The following PCYT2 variants were observed in gnomAD, a reference collection of about 807,000 sequenced individuals.
PCYT2 encodes the protein phosphate cytidylyltransferase 2, ethanolamine.
Under a neutral mutation model 50.0 loss-of-function variants are expected in PCYT2, and 33 were observed. That is an observed-to-expected ratio of 0.66 (90% CI 0.50 to 0.88). The LOEUF is 0.88. PCYT2 is among the 40% of genes least tolerant of loss of function. The pLI is 0.00. For missense variants in PCYT2, 430 were observed against 519.7 expected, an observed-to-expected ratio of 0.83 and a Z score of 1.68; for synonymous variants, 240 against 203.7, an observed-to-expected ratio of 1.18 and a Z score of -1.52.
chr17:81,906,115 G>A lies in PCYT2; in HGVS notation c.822C>T (p.Ser274=), dbSNP rs2040250510. The stretch of plus-strand genomic sequence containing the variant: ...CCCCACTCACCCGGCAGGCCAGCAC[G>A]CTCAGAGTCCGTTCATGCAGATTCA... ...PIMNLHERTL[S]VLACRYVSEV... is the part of the protein sequence containing the mutation. Residue 274 remains serine (S), a synonymous_variant, in exon 9 of 13, where the codon AGC becomes AGT. Coordinates refer to ENST00000538936, the MANE Select transcript of PCYT2 (RefSeq NM_002861.5). The A allele has an allele frequency of 1.2e-5, 19 of 1,612,178 alleles. No individual in the cohort carries two copies. The East Asian group carries it at 2.7e-4, about 23-fold the overall frequency.
At chr17:81,905,951 G>A (rs538766001) in intron 9 of PCYT2, 149 bp downstream of exon 9, 4 of 753,030 alleles carry the variant, frequency 5.3e-6, no homozygotes, top group South Asian at 3.3e-5. Context: ...CAACAAACAG[G>A]TATGGGCAGG....
chr17:81,911,056 C>T, intron 1 of PCYT2: 1 of 999,446 alleles, frequency 1.0e-6, no homozygotes, highest in Non-Finnish European at 1.2e-6. Flanking sequence ...GGGCCTCCGC[C>T]AGAGGTAGAC....
chr17:81,902,334 G>A lies in PCYT2; in HGVS notation c.*2499C>T. ...CCCTGGCGCTGTGCCTGCTGCTGGC[G>A]CCGCCTGGCCTCGCGTGGTACAAGC... On this transcript the variant is annotated 3_prime_UTR_variant, in exon 13 of 13. Coordinates refer to ENST00000538936, the MANE Select transcript of PCYT2 (RefSeq NM_002861.5). 1 of 1,338,994 alleles carries A rather than the reference G, an allele frequency of 7.5e-7. No homozygotes were observed. 82.9% of individuals were successfully genotyped at this position (1,338,994 alleles called of 1,614,324 possible).
At chr17:81,906,047 G>C in intron 9 of PCYT2, 53 bp downstream of exon 9, 1 of 1,492,106 alleles carries the variant, frequency 6.7e-7, no homozygotes. Flanking sequence ...TAGTAGGGGG[G>C]ATGTTGTGGG....
At chr17:81,908,691 G>T in intron 3 of PCYT2, 57 bp from the exon 4 acceptor site, 1 of 1,498,896 alleles carries the variant, frequency 6.7e-7, no homozygotes. Flanking sequence ...AGAACCTTCA[G>T]AGCCCAGGAC....
rs1250682356 is a variant in PCYT2 at position 81,902,846 on chromosome 17, C to T, written c.*1987G>A. On this transcript the variant is annotated 3_prime_UTR_variant, in exon 13 of 13. Coordinates refer to ENST00000538936, the MANE Select transcript of PCYT2 (RefSeq NM_002861.5). ...GGCGCGGGATGGCGCCCCAGGTCTC[C>T]CCTACTCCGCTCACCCCGCAGTTAA... is the stretch of plus-strand genomic sequence containing the variant. 5.6e-6 allele frequency: 6 copies of T among 1,069,142 alleles called. No homozygotes were observed. The highest frequency in any genetic ancestry group is 2.8e-5 in the Admixed American group (1 of 36,152). The allele number at this position is 1,069,142 out of a possible 1,614,324, so 66.2% of individuals were successfully genotyped here.
At chr17:81,907,509 C>A (rs984210731) in intron 6 of PCYT2, 45 bp downstream of exon 6, 3 of 1,575,124 alleles carry the variant, frequency 1.9e-6, no homozygotes, top group Admixed American at 1.8e-5. Flanking sequence ...CCGGGGGAGC[C>A]CCCTGCAGCT....
chr17:81,902,855 G>T lies in PCYT2; in HGVS notation c.*1978C>A. 1.0e-6 allele frequency: 1 copy of T among 967,094 alleles called. No individual in the cohort carries two copies. 59.9% of individuals were successfully genotyped at this position (967,094 alleles called of 1,614,324 possible). ...TGGCGCCCCAGGTCTCCCCTACTCCGCTCACCCCGCAGTTAATGGCAAACG... is the reference window on the plus strand; with the variant it reads ...TGGCGCCCCAGGTCTCCCCTACTCCTCTCACCCCGCAGTTAATGGCAAACG... On this transcript the variant is annotated 3_prime_UTR_variant, in exon 13 of 13. Transcript: ENST00000538936.
chr17:81,903,641 C>T lies in PCYT2; in HGVS notation c.*1192G>A, dbSNP rs1018298611. 1.3e-5 allele frequency: 2 copies of T among 152,350 alleles called. No homozygotes were observed. The highest frequency in any genetic ancestry group is 2.9e-5 in the Non-Finnish European group (2 of 68,140). The allele number at this position is 152,350 out of a possible 1,614,324, so 9.4% of individuals were successfully genotyped here. A position where few individuals can be genotyped will look rare whatever the true frequency, so the allele number is the denominator to read the frequency against. ...GGCAGGATGAGGATGGCCTGTGCCCCCCACACCTTGGCCCCTGGCTCGGAG... is the reference window on the plus strand; with the variant it reads ...GGCAGGATGAGGATGGCCTGTGCCCTCCACACCTTGGCCCCTGGCTCGGAG... On this transcript the variant is annotated 3_prime_UTR_variant, in exon 13 of 13. Transcript: ENST00000538936.
intron 3 of PCYT2, 69 bp from the exon 4 acceptor site, chr17:81,908,703 C>T (rs2040415410): frequency 2.1e-6 from 3 of 1,431,920 alleles, no homozygotes; most frequent in Non-Finnish European, 9.8e-7. Context: ...GCCCAGGACC[C>T]TCTCGGCCCC....
At chr17:81,905,919 C>T (rs930396639) in intron 9 of PCYT2, 181 bp downstream of exon 9, 19 of 748,908 alleles carry the variant, frequency 2.5e-5, no homozygotes, top group Non-Finnish European at 4.1e-5. Flanking sequence ...ATCTGGAGAC[C>T]TGACCACCCC....
At position 81,903,213 on chromosome 17, in the gene PCYT2, G is replaced by A; in HGVS notation, c.*1620C>T. ...GTGAGGGCATGGGCTGGAGCCCCTG[G>A]CTGCCTTCCTCTTGCCCCCATCCCT... is the stretch of plus-strand genomic sequence containing the variant. On this transcript the variant is annotated 3_prime_UTR_variant, in exon 13 of 13. Coordinates refer to ENST00000538936, the MANE Select transcript of PCYT2 (RefSeq NM_002861.5). 6.0e-6 allele frequency: 1 copy of A among 166,950 alleles called. No individual in the cohort carries two copies. The highest frequency in any genetic ancestry group is 1.3e-5 in the Non-Finnish European group (1 of 78,404). 10.3% of individuals were successfully genotyped at this position (166,950 alleles called of 1,614,324 possible). A position where few individuals can be genotyped will look rare whatever the true frequency, so the allele number is the denominator to read the frequency against.
intron 11 of PCYT2, 42 bp from the exon 12 acceptor site, chr17:81,905,196 G>A (rs1410572930): frequency 2.7e-5 from 41 of 1,534,776 alleles, no homozygotes; most frequent in Non-Finnish European, 3.5e-5. Flanking sequence ...GGTCCCTGCT[G>A]ACCTCCCCAA....
chr17:81,905,656 A>T lies in PCYT2; in HGVS notation c.903+14T>A. The T allele has an allele frequency of 6.2e-7, 1 of 1,610,138 alleles. No homozygotes were observed. Among genetic ancestry groups the T allele is most frequent in the South Asian group, 1.1e-5 (1 of 91,016 alleles). Reference sequence around the variant, plus strand: ...TGAACAGAGGGAACGAGGTGAGCCCATGCGGAGCCTCACCTTGAAGTGACT... The same window carrying T: ...TGAACAGAGGGAACGAGGTGAGCCCTTGCGGAGCCTCACCTTGAAGTGACT... On this transcript the variant is annotated intron_variant, in intron 10 of 12. Transcript: ENST00000538936.
At position 81,903,790 on chromosome 17, in the gene PCYT2, T is replaced by TGGGCC. The variant is rs1282290811; in HGVS notation, c.*1038_*1042dup. ...GAGGACAGGCCCATGGGGTGCCACA[T>TGGGCC]GGGCCAGGTGCTGTAGGGCAGAGGC... On this transcript the variant is annotated 3_prime_UTR_variant, in exon 13 of 13. Transcript: ENST00000538936. The TGGGCC allele has an allele frequency of 2.0e-5, 3 of 151,048 alleles. No individual in the cohort carries two copies. 9.4% of individuals were successfully genotyped at this position (151,048 alleles called of 1,614,324 possible).
At position 81,906,900 on chromosome 17, in the gene PCYT2, T is replaced by A. The variant is rs1226113662; in HGVS notation, c.538-2A>T. 1.9e-6 allele frequency: 3 copies of A among 1,612,222 alleles called. No homozygotes were observed. Among genetic ancestry groups the A allele is most frequent in the Non-Finnish European group, 2.5e-6 (3 of 1,179,544 alleles). ...CCAGGGGTTCCGCCCACCAGGGCAC[T>A]GCAAGCCAAGAGAGGGAGCAGGTTG... On this transcript the variant is annotated splice_acceptor_variant, in intron 6 of 12. Transcript: ENST00000538936. LOFTEE classifies it high-confidence loss of function.
At position 81,905,153 on chromosome 17, in the gene PCYT2, T is replaced by G. The variant is rs1461549539; in HGVS notation, c.971A>C (p.Glu324Ala). 6.2e-7 allele frequency: 1 copy of G among 1,610,862 alleles called. No homozygotes were observed. Among genetic ancestry groups the G allele is most frequent in the Non-Finnish European group, 8.5e-7 (1 of 1,178,404 alleles). The stretch of plus-strand genomic sequence containing the variant: ...ACGGAAGATGCCCCTTCTCTTGGGC[T>G]CCTGGGGGTCCAGAGAGGAGGAGCG... The part of the protein sequence containing the change: ...PDRDGSDPYQ[E>A]PKRRGIFRQI... The change falls in exon 12 of 13, where the codon GAG becomes GCG. Residue 324 changes from glutamate to alanine, a missense_variant and splice_region_variant. This residue lies in a region of PCYT2 where 248 missense variants were observed against 300.2 expected (regional missense o/e 0.83). Coordinates refer to ENST00000538936, the MANE Select transcript of PCYT2 (RefSeq NM_002861.5).
Position 81,906,088 on chromosome 17 carries a change from GC to G in PCYT2, c.837+11del. ...CTCCCCATCCTTGGGCTGGCTCCTG[GC>G]CCCCACTCACCCGGCAGGCCAGCAC... On this transcript the variant is annotated intron_variant, in intron 9 of 12. Transcript: ENST00000538936. 1 of 1,604,438 alleles carries G rather than the reference GC, an allele frequency of 6.2e-7. No homozygotes were observed.
chr17:81,904,364 C>T lies in PCYT2; in HGVS notation c.*469G>A, dbSNP rs2040120710. ...GCAAGCGTGTTTTCCTGGAGCCAGG[C>T]GCTGGGTGGCAGGACACCGTGTTGG... On this transcript the variant is annotated 3_prime_UTR_variant, in exon 13 of 13. Coordinates refer to ENST00000538936, the MANE Select transcript of PCYT2 (RefSeq NM_002861.5). The T allele has an allele frequency of 6.3e-6, 1 of 159,042 alleles. No individual in the cohort carries two copies. The highest frequency in any genetic ancestry group is 1.4e-5 in the Non-Finnish European group (1 of 72,904). The allele number at this position is 159,042 out of a possible 1,614,324, so 9.9% of individuals were successfully genotyped here. A position where few individuals can be genotyped will look rare whatever the true frequency, so the allele number is the denominator to read the frequency against.
Sources: gnomAD v4.1 joint callset for allele counts on GRCh38, gnomAD v4.1.1 for gene constraint, gnomAD v4.1.1 regional missense constraint, MANE v1.5 for transcripts, NCBI Gene and HGNC (gene_info 2026-07-23, HGNC 2026-07-21) for gene names.